C2CD3: variants seen among roughly 807,000 people sequenced by gnomAD.
C2CD3 encodes C2 domain-containing protein 3.
Under a neutral mutation model 234.0 loss-of-function variants are expected in C2CD3, and 148 were observed. That is an observed-to-expected ratio of 0.63 (90% confidence interval 0.55 to 0.72). C2CD3 has a LOEUF of 0.72. Among genes scored for constraint, C2CD3 ranks in the 30% least tolerant of loss-of-function variants. The pLI is 0.00. For missense variants in C2CD3, 2,577 were observed against 2,811.5 expected, an observed-to-expected ratio of 0.92 and a Z score of 1.89; for synonymous variants, 1,000 against 1,035.4, an observed-to-expected ratio of 0.97 and a Z score of 0.66.
chr11:74,168,525 G>T lies in C2CD3; in HGVS notation c.144C>A (p.Val48=). The change falls in exon 2 of 33, where the codon GTC becomes GTA. Residue 48 remains valine, a synonymous_variant. Transcript: ENST00000334126. ...TGGGAGGCTTTGCAATCTTCCATAT[G>T]ACTCTATTAACAGTAAGTTTTAGAA... ...RCFLKLTVNR[V]IWKIAKPPTC... The T allele has an allele frequency of 6.2e-7, 1 of 1,614,104 alleles. No homozygotes were observed. The highest frequency in any genetic ancestry group is 1.1e-5 in the South Asian group (1 of 91,074).
intron 19 of C2CD3, among the ~76,000 whole-genome samples, 158 bp from the exon 20 acceptor site, chr11:74,091,094 C>T (rs1955876436): frequency 6.6e-6 from 1 of 152,134 alleles, no homozygotes; most frequent in African/African-American, 2.4e-5. Flanking sequence ...CATTGTTATT[C>T]TTTAAGGTTA....
intron 15 of C2CD3, 40 bp from the exon 16 acceptor site, chr11:74,098,295 T>C (rs749027560): frequency 6.3e-7 from 1 of 1,595,046 alleles, no homozygotes; most frequent in South Asian, 1.1e-5. Flanking sequence ...ATAACAAGCA[T>C]CAATCATGTC....
chr11:74,089,080 C>T (rs1173681116), intron 20 of C2CD3, among the ~76,000 whole-genome samples: 2 of 151,922 alleles, frequency 1.3e-5, no homozygotes, highest in African/African-American at 2.4e-5. Context: ...TAAATATGTA[C>T]ATATTTAAAG....
At chr11:74,105,973 C>T (rs950289425) in intron 13 of C2CD3, among the ~76,000 whole-genome samples, 1 of 152,192 alleles carries the variant, frequency 6.6e-6, no homozygotes, top group African/African-American at 2.4e-5. Flanking sequence ...GACTGTTCAA[C>T]CCTACTTTCT....
intron 7 of C2CD3, among the ~76,000 whole-genome samples, chr11:74,125,734 T>G (rs1565322879): frequency 2.0e-5 from 3 of 152,162 alleles, no homozygotes; most frequent in Non-Finnish European, 4.4e-5. Context: ...TGGTATAAAT[T>G]AACTGCCTTT....
chr11:74,169,710 C>A (rs973827452), intron 1 of C2CD3, among the ~76,000 whole-genome samples: 2 of 152,180 alleles, frequency 1.3e-5, no homozygotes, highest in Non-Finnish European at 2.9e-5. Flanking sequence ...CTTTGACTTT[C>A]CGATTATCAA....
intron 24 of C2CD3, among the ~76,000 whole-genome samples, chr11:74,071,575 T>C (rs1306628743): frequency 6.6e-6 from 1 of 152,234 alleles, no homozygotes; most frequent in Non-Finnish European, 1.5e-5. Context: ...TGATTATGTA[T>C]TGTAATCTCT....
chr11:74,072,218 G>T (rs1263148896), intron 24 of C2CD3, among the ~76,000 whole-genome samples: 2 of 152,110 alleles, frequency 1.3e-5, no homozygotes, highest in Admixed American at 6.5e-5. Flanking sequence ...ACTTTGTCCT[G>T]ATATAGAATG....
intron 17 of C2CD3, 53 bp downstream of exon 17, chr11:74,095,174 AT>A: frequency 8.0e-7 from 1 of 1,244,786 alleles, no homozygotes. Context: ...ACTCTTAAGT[AT>A]AATCTAATAA....
intron 3 of C2CD3, among the ~76,000 whole-genome samples, chr11:74,151,082 C>T (rs1855620668): frequency 6.6e-6 from 1 of 152,014 alleles, no homozygotes; most frequent in South Asian, 2.1e-4. Context: ...CCCACCATCA[C>T]ACCCAGCTAA....
At chr11:74,118,684 A>G (rs775181450) in intron 8 of C2CD3, among the ~76,000 whole-genome samples, 3 of 152,208 alleles carry the variant, frequency 2.0e-5, no homozygotes, top group Non-Finnish European at 4.4e-5. Context: ...ATTATGCTTA[A>G]TGCTACATGT....
At chr11:74,079,542 T>C (rs891214996) in intron 22 of C2CD3, among the ~76,000 whole-genome samples, 1 of 151,090 alleles carries the variant, frequency 6.6e-6, no homozygotes, top group Admixed American at 6.6e-5. Flanking sequence ...CTACTCTTTA[T>C]TAAATATCTA....
At chr11:74,090,704 G>A (rs1349005159) in intron 20 of C2CD3, 109 bp downstream of exon 20, 3 of 1,160,092 alleles carry the variant, frequency 2.6e-6, no homozygotes, top group Non-Finnish European at 3.8e-6. Context: ...GAGGAGTTGT[G>A]GTTAGTGAAC....
At chr11:74,118,632 A>T (rs992791388) in intron 8 of C2CD3, among the ~76,000 whole-genome samples, 7 of 152,170 alleles carry the variant, frequency 4.6e-5, no homozygotes, top group African/African-American at 1.7e-4. Context: ...AATTCTCAAT[A>T]ATAATAACTA....
chr11:74,063,360 A>T (rs1954342425), intron 24 of C2CD3, among the ~76,000 whole-genome samples: 1 of 152,244 alleles, frequency 6.6e-6, no homozygotes, highest in African/African-American at 2.4e-5. Context: ...CCTGATGAAC[A>T]TCAATGCAAA....
chr11:74,022,040 T>C (rs1228374620), intron 32 of C2CD3, among the ~76,000 whole-genome samples: 2 of 151,792 alleles, frequency 1.3e-5, no homozygotes, highest in African/African-American at 4.8e-5. Context: ...GCAGGAGAAT[T>C]GCTTGCACTC....
chr11:74,113,788 G>C lies in C2CD3; in HGVS notation c.1835C>G (p.Thr612Arg), dbSNP rs777502035. 1.3e-6 allele frequency: 2 copies of C among 1,596,014 alleles called. No homozygotes were observed. Among genetic ancestry groups the C allele is most frequent in the Non-Finnish European group, 1.7e-6 (2 of 1,164,614 alleles). The change falls in exon 11 of 33, where the codon ACA becomes AGA. Residue 612 changes from threonine to arginine, a missense_variant. Physicochemically the swap from Thr to Arg is moderately conservative, Grantham distance 71. Coordinates refer to ENST00000334126, the MANE Select transcript of C2CD3 (RefSeq NM_001286577.2). ...ACCAGTGTGTCTCTTACTTCCATCT[G>C]TAATTTTACTGGAGGCGAGTCGAAC... ...EVVRLASSKI[T>R]DGKVKFQQRF...
intron 31 of C2CD3, among the ~76,000 whole-genome samples, chr11:74,029,478 T>C (rs1952433438): frequency 6.6e-6 from 1 of 152,248 alleles, no homozygotes; most frequent in African/African-American, 2.4e-5. Flanking sequence ...TTCAAGTCCC[T>C]GATTTTTCTG....
At chr11:74,095,166 T>A in intron 17 of C2CD3, 62 bp downstream of exon 17, 1 of 1,115,640 alleles carries the variant, frequency 9.0e-7, no homozygotes, top group Non-Finnish European at 1.2e-6. Flanking sequence ...AAAAAAAAAC[T>A]CTTAAGTATA....
Sources: allele counts gnomAD v4.1 joint callset (sites outside exome capture counted in the v4.1 genomes callset), GRCh38; gene constraint gnomAD v4.1.1; transcripts MANE v1.5; gene names NCBI Gene and HGNC (gene_info 2026-07-23, HGNC 2026-07-21).